The following SVIP variants were observed in gnomAD, a reference collection of about 807,000 sequenced individuals.
SVIP encodes the protein small VCP/p97-interacting protein.
In SVIP, 14 loss-of-function variants were observed where a neutral mutation model predicts 12.9. The ratio of observed to expected loss-of-function variants is 1.08; its 90% confidence interval spans 0.72 to 1.70. The LOEUF (loss-of-function observed/expected upper bound fraction) is 1.70. SVIP is among the 40% of genes most tolerant of loss of function. The pLI, the probability that SVIP is intolerant of heterozygous loss-of-function variation, is 0.00. For synonymous variants in SVIP, 35 were observed against 33.3 expected (o/e 1.05, Z -0.17); for missense variants, 93 against 90.8 (o/e 1.02, Z -0.10).
At chr11:22,827,080 CT>C in intron 3 of SVIP, 126 bp downstream of exon 3, 1 of 703,250 alleles carries the variant, frequency 1.4e-6, no homozygotes, top group Non-Finnish European at 2.5e-6. Context: ...ATATTTACTA[CT>C]CATGCTTTTA....
chr11:22,823,240 A>C, intron 3 of SVIP, 107 bp from the exon 4 acceptor site: 1 of 778,428 alleles, frequency 1.3e-6, no homozygotes, highest in South Asian at 1.9e-5. Context: ...ATAGAAATAC[A>C]AAATGATTTT....
chr11:22,829,752 G>T lies in SVIP; in HGVS notation c.-4C>A. 6.2e-7 allele frequency: 1 copy of T among 1,605,534 alleles called. No homozygotes were observed. The highest frequency in any genetic ancestry group is 8.5e-7 in the Non-Finnish European group (1 of 1,176,910). On this transcript the variant is annotated 5_prime_UTR_variant, in exon 1 of 4. Coordinates refer to ENST00000354193, the MANE Select transcript of SVIP (RefSeq NM_148893.3). ...GACAAGGAAAACACAGCCCCATAGGGACGACAGCTTGAGAACCCTGACCGG... is the reference window on the plus strand; with the variant it reads ...GACAAGGAAAACACAGCCCCATAGGTACGACAGCTTGAGAACCCTGACCGG...
At chr11:22,825,799 T>C (rs1465311827) in intron 3 of SVIP, among the ~76,000 whole-genome samples, 1 of 152,214 alleles carries the variant, frequency 6.6e-6, no homozygotes, top group African/African-American at 2.4e-5. Flanking sequence ...GATTAAGTGT[T>C]GATTAAATTA....
intron 3 of SVIP, among the ~76,000 whole-genome samples, chr11:22,824,492 A>G (rs936927196): frequency 1.5e-5 from 2 of 131,750 alleles, no homozygotes; most frequent in Non-Finnish European, 3.4e-5. Context: ...ATATGTATAT[A>G]TATACGTATA....
chr11:22,825,918 T>C (rs1490522618), intron 3 of SVIP, among the ~76,000 whole-genome samples: 1 of 152,202 alleles, frequency 6.6e-6, no homozygotes, highest in East Asian at 1.9e-4. Context: ...TTTTGTAATT[T>C]TGTGTTTGTT....
chr11:22,823,332 C>A (rs376971235), intron 3 of SVIP, among the ~76,000 whole-genome samples, 199 bp from the exon 4 acceptor site: 1 of 152,144 alleles, frequency 6.6e-6, no homozygotes, highest in South Asian at 2.1e-4. Flanking sequence ...ATAAAGAAGA[C>A]AAAATATCTG....
rs1476711493 is a variant in SVIP at position 22,821,835 on chromosome 11, T to C, written c.*1284A>G. On this transcript the variant is annotated 3_prime_UTR_variant, in exon 4 of 4. Transcript: ENST00000354193. ...ATGAGAAGTCAAGAGACCTGTATTA[T>C]ATAATAGTTCAAACTTTTAAAAATT... 1 of 152,206 alleles carries C rather than the reference T, an allele frequency of 6.6e-6. No individual in the cohort carries two copies. Among genetic ancestry groups the C allele is most frequent in the Non-Finnish European group, 1.5e-5 (1 of 68,026 alleles). 9.4% of individuals were successfully genotyped at this position (152,206 alleles called of 1,614,324 possible). A position where few individuals can be genotyped will look rare whatever the true frequency, so the allele number is the denominator to read the frequency against.
chr11:22,824,439 C>G (rs1275416979), intron 3 of SVIP, among the ~76,000 whole-genome samples: 2 of 117,462 alleles, frequency 1.7e-5, no homozygotes, highest in Admixed American at 1.9e-4. Flanking sequence ...TATATATACA[C>G]ACACACATAT....
In SVIP at chr11:22,819,309, T is replaced by C. The variant is rs1200889174; in HGVS notation, c.*3810A>G. The C allele has an allele frequency of 2.0e-5, 3 of 152,202 alleles. No individual in the cohort carries two copies. The highest frequency in any genetic ancestry group is 4.4e-5 in the Non-Finnish European group (3 of 68,026). The allele number at this position is 152,202 out of a possible 1,614,324, so 9.4% of individuals were successfully genotyped here. Reference sequence around the variant, plus strand: ...GCATAACTCCTTGATATCTGACTTATGTAACAAGATAAATTTCAGGGAAAT... The same window carrying C: ...GCATAACTCCTTGATATCTGACTTACGTAACAAGATAAATTTCAGGGAAAT... On this transcript the variant is annotated 3_prime_UTR_variant, in exon 4 of 4. Transcript: ENST00000354193.
At chr11:22,823,210 T>A (rs1857544950) in intron 3 of SVIP, 77 bp from the exon 4 acceptor site, 7 of 1,060,770 alleles carry the variant, frequency 6.6e-6, no homozygotes, top group Non-Finnish European at 9.7e-6. Context: ...AACAAACAGG[T>A]AAAAAGAGGA....
At chr11:22,823,897 T>C (rs544070926) in intron 3 of SVIP, among the ~76,000 whole-genome samples, 2 of 152,216 alleles carry the variant, frequency 1.3e-5, no homozygotes, top group African/African-American at 2.4e-5. Context: ...ATTTATTTTT[T>C]ATTTTTGTAG....
Position 22,827,057 on chromosome 11 carries a change from G to C in SVIP, c.219+150C>G, listed in dbSNP as rs192596714. On this transcript the variant is annotated intron_variant, in intron 3 of 3. Transcript: ENST00000354193. The stretch of plus-strand genomic sequence containing the variant: ...ATTCCAATAAATGTTAAAATAAATT[G>C]GTATTACTTCCAATATTTACTACTC... 548 of 590,208 alleles carry C rather than the reference G, an allele frequency of 9.3e-4. 3 individuals are homozygous for C. The African/African-American group carries it at 9.5e-3, about 10-fold the overall frequency. The allele number at this position is 590,208 out of a possible 1,614,324, so 36.6% of individuals were successfully genotyped here. A position where few individuals can be genotyped will look rare whatever the true frequency, so the allele number is the denominator to read the frequency against.
rs376626814 is a variant in SVIP at position 22,827,258 on chromosome 11, T to G, written c.168A>C (p.Lys56Asn). The change falls in exon 3 of 4, where the codon AAA becomes AAC. Residue 56 changes from lysine to asparagine, a missense_variant. By Grantham distance (94) the Lys-to-Asn change is moderately conservative. Coordinates refer to ENST00000354193, the MANE Select transcript of SVIP (RefSeq NM_148893.3). The part of the protein sequence containing the change: ...SVQEKRKKKE[K>N]IEKQIATSGP... ...CGGATGTAGCAATTTGTTTTTCTAT[T>G]TTTTCCTTTTTCTTTCTCTTTTCTT... 10 of 1,611,228 alleles carry G rather than the reference T, an allele frequency of 6.2e-6. No individual in the cohort carries two copies. The highest frequency in any genetic ancestry group is 3.4e-5 in the Admixed American group (2 of 59,396).
At chr11:22,828,298 G>A (rs1857799233) in intron 1 of SVIP, among the ~76,000 whole-genome samples, 1 of 152,142 alleles carries the variant, frequency 6.6e-6, no homozygotes, top group South Asian at 2.1e-4. Context: ...GGGAAGGACT[G>A]GAGTAATTTC....
Position 22,820,769 on chromosome 11 carries a change from C to T in SVIP, c.*2350G>A, listed in dbSNP as rs1241309533. The stretch of plus-strand genomic sequence containing the variant: ...AACATGCAGCACGTTACAAAGAGGC[C>T]GTGTAATAATTCACAACTTTTGTTA... On this transcript the variant is annotated 3_prime_UTR_variant, in exon 4 of 4. Coordinates refer to ENST00000354193, the MANE Select transcript of SVIP (RefSeq NM_148893.3). 1 of 151,968 alleles carries T rather than the reference C, an allele frequency of 6.6e-6. No individual in the cohort carries two copies. Among genetic ancestry groups the T allele is most frequent in the Admixed American group, 6.6e-5 (1 of 15,256 alleles). The allele number at this position is 151,968 out of a possible 1,614,324, so 9.4% of individuals were successfully genotyped here. A position where few individuals can be genotyped will look rare whatever the true frequency, so the allele number is the denominator to read the frequency against.
intron 3 of SVIP, among the ~76,000 whole-genome samples, chr11:22,823,764 C>G (rs1280623413): frequency 6.6e-6 from 1 of 152,200 alleles, no homozygotes; most frequent in East Asian, 1.9e-4. Flanking sequence ...GGGTCTCACT[C>G]TATCGCCCAG....
Position 22,827,255 on chromosome 11 carries a change from T to C in SVIP, c.171A>G (p.Ile57Met), listed in dbSNP as rs1168819444. The stretch of plus-strand genomic sequence containing the variant: ...GCCCGGATGTAGCAATTTGTTTTTC[T>C]ATTTTTTCCTTTTTCTTTCTCTTTT... ...VQEKRKKKEK[I>M]EKQIATSGPP... is the part of the protein sequence containing the mutation. Residue 57 changes from isoleucine to methionine, a missense_variant, in exon 3 of 4, where the codon ATA becomes ATG. Coordinates refer to ENST00000354193, the MANE Select transcript of SVIP (RefSeq NM_148893.3). The C allele has an allele frequency of 3.1e-6, 5 of 1,611,422 alleles. No individual in the cohort carries two copies. Among genetic ancestry groups the C allele is most frequent in the South Asian group, 1.1e-5 (1 of 90,558 alleles).
At chr11:22,823,178 G>T in intron 3 of SVIP, 45 bp from the exon 4 acceptor site, 1 of 1,431,854 alleles carries the variant, frequency 7.0e-7, no homozygotes. Flanking sequence ...TTTACTTGAA[G>T]TTATATAACA....
chr11:22,823,263 C>A (rs1175033608), intron 3 of SVIP, 130 bp from the exon 4 acceptor site: 11 of 628,042 alleles, frequency 1.8e-5, no homozygotes, highest in Non-Finnish European at 2.9e-5. Context: ...TGAATAGCAG[C>A]TATTCATAAA....
Sources: allele counts gnomAD v4.1 joint callset (sites outside exome capture counted in the v4.1 genomes callset), GRCh38; gene constraint gnomAD v4.1.1; transcripts MANE v1.5; gene names NCBI Gene and HGNC (gene_info 2026-07-23, HGNC 2026-07-21).